The following PLXNA4 variants were observed in gnomAD, a reference collection of about 807,000 sequenced individuals.
PLXNA4 encodes the protein plexin-A4.
In PLXNA4, 44 loss-of-function variants were observed where a neutral mutation model predicts 191.8. The ratio of observed to expected loss-of-function variants is 0.23; its 90% CI spans 0.18 to 0.29. PLXNA4 has a LOEUF of 0.29. PLXNA4 is among the 10% of genes least tolerant of loss of function. The pLI is 1.00. For missense variants in PLXNA4, 1,800 were observed against 2,488.8 expected, an observed-to-expected ratio of 0.72 and a Z score of 5.89; for synonymous variants, 1,082 against 1,009.5, an observed-to-expected ratio of 1.07 and a Z score of -1.36.
rs554558704 is a variant in PLXNA4 at position 132,555,998 on chromosome 7, C to T, written c.-87+20424G>A. 3.3e-5 allele frequency among the ~76,000 whole-genome samples: 5 copies of T among 152,360 alleles called. No individual in the cohort carries two copies. The South Asian group carries it at 1.0e-3, about 32-fold the overall frequency. ...ACAAGAATCTGGCAAGCCTAGAGCC[C>T]TCTGTGGCTCCATTCTTGGCCTAGG... On this transcript the variant is annotated intron_variant, in intron 1 of 31. Coordinates refer to ENST00000321063, the MANE Select transcript of PLXNA4 (RefSeq NM_020911.2).
intron 4 of PLXNA4, among the ~76,000 whole-genome samples, chr7:132,245,259 T>C (rs1022441904): frequency 7.2e-5 from 11 of 152,138 alleles, no homozygotes; most frequent in African/African-American, 2.7e-4. Flanking sequence ...TGACCTAAGC[T>C]GCCATAATGA....
chr7:132,254,791 C>T lies in PLXNA4; in HGVS notation c.1504-13625G>A, dbSNP rs114202204. Among the ~76,000 whole-genome samples, 326 of 152,278 alleles carry T rather than the reference C, an allele frequency of 2.1e-3. 1 individual carries two copies. The highest frequency in any genetic ancestry group is 7.7e-3 in the African/African-American group (320 of 41,550). On this transcript the variant is annotated intron_variant, in intron 4 of 31. Transcript: ENST00000321063. ...GGTGGTGGTGGTACGGATAATGCAT[C>T]CATTTCACATTTTGCGCATCTGGGG...
chr7:132,333,346 C>T (rs1025152235), intron 3 of PLXNA4, among the ~76,000 whole-genome samples: 6 of 152,226 alleles, frequency 3.9e-5, no homozygotes, highest in African/African-American at 7.2e-5. Context: ...CCATGCTGCA[C>T]CTACTCCCAG....
chr7:132,485,894 G>A lies in PLXNA4; in HGVS notation c.1371+3398C>T, dbSNP rs145430257. ...GCACTAAAGGAGTGAAATTACGGTC[G>A]TCAAAGACAAGGTTGCAAATGATTG... On this transcript the variant is annotated intron_variant, in intron 3 of 31. Transcript: ENST00000321063. Among the ~76,000 whole-genome samples, 450 of 152,154 alleles carry A rather than the reference G, an allele frequency of 3.0e-3. 2 individuals are homozygous for A. Among genetic ancestry groups the A allele is most frequent in the African/African-American group, 9.8e-3 (406 of 41,512 alleles).
chr7:132,306,615 G>C (rs1801532806), intron 3 of PLXNA4, among the ~76,000 whole-genome samples: 1 of 152,176 alleles, frequency 6.6e-6, no homozygotes, highest in African/African-American at 2.4e-5. Flanking sequence ...GGAAGAATTA[G>C]CACACCAAAG....
At chr7:132,413,222 G>A (rs1281420219) in intron 3 of PLXNA4, among the ~76,000 whole-genome samples, 2 of 152,110 alleles carry the variant, frequency 1.3e-5, no homozygotes, top group East Asian at 1.9e-4. Context: ...CTCCGGACTC[G>A]CTGCACAGGC....
chr7:132,172,985 A>G (rs1796338910), intron 21 of PLXNA4, among the ~76,000 whole-genome samples: 2 of 152,194 alleles, frequency 1.3e-5, no homozygotes, highest in Non-Finnish European at 2.9e-5. Flanking sequence ...ACACACAGAT[A>G]TTCATTTATT....
intron 5 of PLXNA4, among the ~76,000 whole-genome samples, chr7:132,230,255 G>C (rs1249852966): frequency 6.6e-6 from 1 of 152,176 alleles, no homozygotes; most frequent in Admixed American, 6.5e-5. Flanking sequence ...AGAGCCTACG[G>C]AGCTCTACCT....
At chr7:132,281,611 A>T (rs759970074) in intron 4 of PLXNA4, among the ~76,000 whole-genome samples, 1 of 152,190 alleles carries the variant, frequency 6.6e-6, no homozygotes, top group Non-Finnish European at 1.5e-5. Flanking sequence ...TCTCTCCCCA[A>T]ATGATCTCCT....
In PLXNA4 at chr7:132,130,138, C is replaced by T. The variant is rs552587544; in HGVS notation, c.*341G>A. ...TGTCCCCTGTCCCTGGCTCCTCATT[C>T]GTTATTTGCACCCTGCTGCTGACAT... On this transcript the variant is annotated 3_prime_UTR_variant, in exon 32 of 32. Coordinates refer to ENST00000321063, the MANE Select transcript of PLXNA4 (RefSeq NM_020911.2). The T allele has an allele frequency of 2.7e-5, 7 of 261,240 alleles. No homozygotes were observed. Among genetic ancestry groups the T allele is most frequent in the South Asian group, 6.5e-5 (1 of 15,426 alleles). The allele number at this position is 261,240 out of a possible 1,614,324, so 16.2% of individuals were successfully genotyped here. A position where few individuals can be genotyped will look rare whatever the true frequency, so the allele number is the denominator to read the frequency against.
intron 8 of PLXNA4, among the ~76,000 whole-genome samples, chr7:132,224,588 TG>T (rs1385038584): frequency 1.3e-5 from 2 of 152,162 alleles, no homozygotes; most frequent in East Asian, 3.9e-4. Context: ...CCCTTGCACA[TG>T]GGAGATGCTT....
intron 16 of PLXNA4, 97 bp downstream of exon 16, chr7:132,185,202 G>T: frequency 1.4e-6 from 2 of 1,469,986 alleles, no homozygotes; most frequent in Non-Finnish European, 1.8e-6. Flanking sequence ...CATCCCCCAA[G>T]CAGGACTGGG....
At chr7:132,249,085 G>T (rs1562990892) in intron 4 of PLXNA4, among the ~76,000 whole-genome samples, 1 of 152,234 alleles carries the variant, frequency 6.6e-6, no homozygotes. Context: ...GAATAGCAAA[G>T]GCAACCGCCC....
intron 3 of PLXNA4, among the ~76,000 whole-genome samples, chr7:132,329,914 G>A (rs1802524303): frequency 6.6e-6 from 1 of 152,172 alleles, no homozygotes; most frequent in Non-Finnish European, 1.5e-5. Context: ...TAGGCAACAG[G>A]TATTTTTTGA....
intron 1 of PLXNA4, among the ~76,000 whole-genome samples, chr7:132,568,286 A>G (rs1801824687): frequency 6.6e-6 from 1 of 152,180 alleles, no homozygotes. Context: ...CACTATGCGG[A>G]AGGCTGGCTG....
chr7:132,581,746 A>G (rs1802406561), upstream of PLXNA4, among the ~76,000 whole-genome samples: 1 of 152,032 alleles, frequency 6.6e-6, no homozygotes, highest in South Asian at 2.1e-4. Context: ...ACACACACAC[A>G]CTGTGGATCT....
intron 3 of PLXNA4, among the ~76,000 whole-genome samples, chr7:132,486,811 A>G (rs156925): frequency 0.99 from 151,453 of 152,342 alleles, 75,291 homozygotes; most frequent in Middle Eastern, 1. Flanking sequence ...TGCCTGTGTC[A>G]CCTGTCACTG....
intron 4 of PLXNA4, among the ~76,000 whole-genome samples, chr7:132,256,632 C>T (rs375777436): frequency 6.6e-6 from 1 of 152,308 alleles, no homozygotes; most frequent in South Asian, 2.1e-4. Context: ...TTCTGTTTTG[C>T]TGGATTTAAG....
At chr7:132,576,828 T>A, upstream of PLXNA4, 1 of 153,064 alleles carries the variant, frequency 6.5e-6, no homozygotes, top group Non-Finnish European at 1.4e-5. The surrounding 1 kb of genome is among the most constrained non-coding windows in gnomAD (Gnocchi z 5.8). Flanking sequence ...GGGCTGAATG[T>A]CCTTGATGCC....
Sources: gnomAD v4.1 joint callset for allele counts (sites outside exome capture counted in the v4.1 genomes callset) on GRCh38, gnomAD v4.1.1 for gene constraint, Gnocchi (gnomAD v3.1) non-coding constraint, MANE v1.5 for transcripts, NCBI Gene and HGNC (gene_info 2026-07-23, HGNC 2026-07-21) for gene names.